Variants in SNX2 observed in about 807,000 individuals in gnomAD.
SNX2 encodes the protein sorting nexin-2.
In SNX2, 25 loss-of-function variants were observed where a neutral mutation model predicts 69.9. The observed-to-expected ratio is 0.36, with a 90% CI of 0.26 to 0.50. The LOEUF (loss-of-function observed/expected upper bound fraction) is 0.50, where lower values mean the gene tolerates loss of function less well. SNX2 is among the 20% of genes least tolerant of loss of function. The probability of loss-of-function intolerance (pLI) is 0.97; values close to 1 mark genes in which losing one functional copy is unlikely to be tolerated. For synonymous variants in SNX2, 229 were observed against 200.4 expected, an observed-to-expected ratio of 1.14 and a Z score of -1.20; for missense variants, 551 against 613.3, an observed-to-expected ratio of 0.90 and a Z score of 1.07.
At chr5:122,812,593 TTCTG>T (rs1372681046) in intron 7 of SNX2, among the ~76,000 whole-genome samples, 2 of 152,240 alleles carry the variant, frequency 1.3e-5, no homozygotes, top group African/African-American at 2.4e-5. Context: ...TACCCCATTG[TTCTG>T]TCTTTTTTTC....
intron 1 of SNX2, among the ~76,000 whole-genome samples, chr5:122,792,655 T>A (rs1033004419): frequency 6.6e-6 from 1 of 151,912 alleles, no homozygotes; most frequent in African/African-American, 2.4e-5. Context: ...ACAATTTGCC[T>A]TTAATTAAGA....
At chr5:122,799,527 A>G (rs1753460674) in intron 2 of SNX2, among the ~76,000 whole-genome samples, 165 bp from the exon 3 acceptor site, 2 of 152,226 alleles carry the variant, frequency 1.3e-5, no homozygotes, top group Non-Finnish European at 2.9e-5. Flanking sequence ...AAGTTGTGAT[A>G]AATAAGGATG....
At chr5:122,791,565 G>C (rs1370540128) in intron 1 of SNX2, among the ~76,000 whole-genome samples, 3 of 151,422 alleles carry the variant, frequency 2.0e-5, no homozygotes, top group Admixed American at 6.6e-5. Flanking sequence ...TATAGGCATG[G>C]GCCACTGCGC....
At position 122,816,971 on chromosome 5, in the gene SNX2, G is replaced by GA; in HGVS notation, c.857dup (p.Asn286LysfsTer16). ...GTGGAGCAGGAATATTGAGGATGGTGAACAAGGCTGCCGACGCTGTCAACA... is the reference window on the plus strand; with the variant it reads ...GTGGAGCAGGAATATTGAGGATGGTGAAACAAGGCTGCCGACGCTGTCAACA... On this transcript the variant is annotated frameshift_variant, in exon 9 of 15. Transcript: ENST00000379516. LOFTEE classifies it high-confidence loss of function. 1 of 1,613,880 alleles carries GA rather than the reference G, an allele frequency of 6.2e-7. No homozygotes were observed. The highest frequency in any genetic ancestry group is 8.5e-7 in the Non-Finnish European group (1 of 1,179,852).
At chr5:122,788,270 T>TA (rs1001265063) in intron 1 of SNX2, among the ~76,000 whole-genome samples, 1 of 152,226 alleles carries the variant, frequency 6.6e-6, no homozygotes, top group Non-Finnish European at 1.5e-5. Flanking sequence ...TATTCCCCTG[T>TA]AAAAATACGT....
intron 6 of SNX2, among the ~76,000 whole-genome samples, chr5:122,804,317 C>T (rs1336852421): frequency 4.0e-5 from 6 of 151,398 alleles, no homozygotes; most frequent in Non-Finnish European, 4.4e-5. Context: ...TATTTAAATT[C>T]ATCTTAGTTC....
chr5:122,775,528 A>T (rs1215854951), intron 1 of SNX2: 1 of 1,045,524 alleles, frequency 9.6e-7, no homozygotes, highest in Non-Finnish European at 1.2e-6. Flanking sequence ...CTCCTCTTCA[A>T]GCCGGAGAAG....
In SNX2 at chr5:122,815,923, A is replaced by G. The variant is rs747596876; in HGVS notation, c.750A>G (p.Pro250=). 12 of 1,603,572 alleles carry G rather than the reference A, an allele frequency of 7.5e-6. No homozygotes were observed. The highest frequency in any genetic ancestry group is 9.4e-6 in the Non-Finnish European group (11 of 1,174,164). ...ATCTTCAAAGAACAGTAAAACATCC[A>G]ACTTTACTACAGGATCCTGATTTAA... ...ERYLQRTVKH[P]TLLQDPDLRQ... Residue 250 remains proline, a synonymous_variant, in exon 8 of 15, where the codon CCA becomes CCG. Coordinates refer to ENST00000379516, the MANE Select transcript of SNX2 (RefSeq NM_003100.4).
chr5:122,789,372 T>A (rs1416818648), intron 1 of SNX2, among the ~76,000 whole-genome samples: 1 of 151,910 alleles, frequency 6.6e-6, no homozygotes, highest in Non-Finnish European at 1.5e-5. Flanking sequence ...TTCTCCAGTT[T>A]TTTCTCTGGG....
intron 6 of SNX2, among the ~76,000 whole-genome samples, chr5:122,806,722 T>C (rs1753666553): frequency 1.3e-5 from 2 of 152,126 alleles, no homozygotes; most frequent in South Asian, 4.1e-4. Context: ...AGTGGTGAGA[T>C]TTTTTTTCAG....
intron 1 of SNX2, among the ~76,000 whole-genome samples, chr5:122,786,581 A>G (rs1226327480): frequency 6.6e-6 from 1 of 152,098 alleles, no homozygotes; most frequent in South Asian, 2.1e-4. Flanking sequence ...CTTTACAACC[A>G]CATAGGTTCA....
intron 6 of SNX2, among the ~76,000 whole-genome samples, chr5:122,806,381 A>G (rs1753658421): frequency 6.6e-6 from 1 of 152,104 alleles, no homozygotes; most frequent in Non-Finnish European, 1.5e-5. Context: ...TTTTCAGGTA[A>G]CTTACACTTA....
intron 8 of SNX2, 59 bp downstream of exon 8, chr5:122,816,030 G>A: frequency 1.1e-6 from 1 of 873,150 alleles, no homozygotes; most frequent in Admixed American, 2.2e-5. Flanking sequence ...TCATTGTAAT[G>A]TATATGACTA....
chr5:122,806,140 G>GCGCGCA (rs1561461101), intron 6 of SNX2, among the ~76,000 whole-genome samples: 5 of 30,238 alleles, frequency 1.7e-4, no homozygotes, highest in African/African-American at 2.2e-4. Flanking sequence ...ACACACGCGC[G>GCGCGCA]CGCACACACA....
chr5:122,816,979 C>T lies in SNX2; in HGVS notation c.863C>T (p.Ala288Val), dbSNP rs1235950050. The T allele has an allele frequency of 6.2e-7, 1 of 1,613,742 alleles. No homozygotes were observed. Among genetic ancestry groups the T allele is most frequent in the African/African-American group, 1.3e-5 (1 of 74,896 alleles). The change falls in exon 9 of 15, where the codon GCT becomes GTT. Residue 288 changes from alanine to valine, a missense_variant. Physicochemically the swap from Ala to Val is moderately conservative, Grantham distance 64. Around this residue, in one of 2 missense-constraint regions of SNX2, gnomAD observed 360 missense variants for 450.4 expected, o/e 0.80. Transcript: ENST00000379516. ...GGAATATTGAGGATGGTGAACAAGG[C>T]TGCCGACGCTGTCAACAAAATGACA... is the stretch of plus-strand genomic sequence containing the variant. ...GAGILRMVNK[A>V]ADAVNKMTIK...
intron 11 of SNX2, among the ~76,000 whole-genome samples, chr5:122,824,216 A>G (rs1426936289): frequency 1.3e-5 from 2 of 151,894 alleles, no homozygotes; most frequent in Middle Eastern, 3.4e-3. Context: ...AAAAAAAAAA[A>G]AAAGAAAATT....
rs1442362424 is a variant in SNX2, at chr5:122,831,799, A to T, written c.*2151A>T. Among the ~76,000 whole-genome samples the T allele has an allele frequency of 6.6e-6, 1 of 152,220 alleles. No individual in the cohort carries two copies. The highest frequency in any genetic ancestry group is 1.5e-5 in the Non-Finnish European group (1 of 68,036). On this transcript the variant is annotated 3_prime_UTR_variant, in exon 15 of 15. Coordinates refer to ENST00000379516, the MANE Select transcript of SNX2 (RefSeq NM_003100.4). ...GTTATTATTAAAATCTTCCATTCAG[A>T]TGTGGTACATTAGAATATTCAGTAC...
chr5:122,817,717 G>A (rs959458553), intron 10 of SNX2, among the ~76,000 whole-genome samples: 1 of 152,030 alleles, frequency 6.6e-6, no homozygotes, highest in Admixed American at 6.6e-5. Flanking sequence ...AATGGATGAA[G>A]AGGTCTTATC....
At chr5:122,790,716 A>G (rs570058725) in intron 1 of SNX2, among the ~76,000 whole-genome samples, 1 of 152,338 alleles carries the variant, frequency 6.6e-6, no homozygotes, top group Non-Finnish European at 1.5e-5. Context: ...GGTAGAAGAT[A>G]GGGGAATTGG....
Sources: gnomAD v4.1 joint callset for allele counts (sites outside exome capture counted in the v4.1 genomes callset) on GRCh38, gnomAD v4.1.1 for gene constraint, gnomAD v4.1.1 regional missense constraint, MANE v1.5 for transcripts, NCBI Gene and HGNC (gene_info 2026-07-23, HGNC 2026-07-21) for gene names.